NCBP3: variants seen among roughly 807,000 people sequenced by gnomAD.
NCBP3 encodes nuclear cap-binding protein subunit 3.
Under a neutral mutation model 75.7 loss-of-function variants are expected in NCBP3, and 20 were observed. That is an observed-to-expected ratio of 0.26 (90% CI 0.19 to 0.38). NCBP3 has a LOEUF of 0.38. Among genes scored for constraint, NCBP3 ranks in the 10% least tolerant of loss-of-function variants. The pLI, the probability that NCBP3 is intolerant of heterozygous loss-of-function variation, is 1.00. For synonymous variants in NCBP3, 293 were observed against 290.5 expected (o/e 1.01, Z -0.09); for missense variants, 678 against 796.9 (o/e 0.85, Z 1.80).
intron 3 of NCBP3, among the ~76,000 whole-genome samples, chr17:3,830,384 TCA>T (rs1206420651): frequency 1.3e-5 from 2 of 152,176 alleles, no homozygotes; most frequent in Non-Finnish European, 2.9e-5. Flanking sequence ...CTAAGATGTA[TCA>T]CAGAGTGAAA....
chr17:3,808,834 A>G lies in NCBP3; in HGVS notation c.*4210T>C, dbSNP rs1174966691. The G allele has an allele frequency of 6.6e-6, 1 of 152,132 alleles. No homozygotes were observed. The highest frequency in any genetic ancestry group is 1.5e-5 in the Non-Finnish European group (1 of 68,046). 9.4% of individuals were successfully genotyped at this position (152,132 alleles called of 1,614,324 possible). On this transcript the variant is annotated 3_prime_UTR_variant, in exon 13 of 13. Coordinates refer to ENST00000389005, the MANE Select transcript of NCBP3 (RefSeq NM_001114118.3). ...AGCCTTGAATTACTGGGCTCATGCG[A>G]TCAGGAGTGTGGAATTTATTCTCGG...
chr17:3,842,267 T>C (rs1418470709), intron 2 of NCBP3, among the ~76,000 whole-genome samples: 2 of 151,934 alleles, frequency 1.3e-5, no homozygotes, highest in African/African-American at 4.8e-5. Flanking sequence ...TCTACTAAAA[T>C]TACAAAAATT....
rs1281422424 is a variant in NCBP3, at chr17:3,808,418, G to A, written c.*4626C>T. The A allele has an allele frequency of 6.6e-6, 1 of 152,212 alleles. No homozygotes were observed. The highest frequency in any genetic ancestry group is 1.9e-4 in the East Asian group (1 of 5,200). The allele number at this position is 152,212 out of a possible 1,614,324, so 9.4% of individuals were successfully genotyped here. Reference sequence around the variant, plus strand: ...CTGGAGAGAGCTGAGACTCTTCTGTGGCAGTACCATGGGACACATAGAAGT... The same window carrying A: ...CTGGAGAGAGCTGAGACTCTTCTGTAGCAGTACCATGGGACACATAGAAGT... On this transcript the variant is annotated 3_prime_UTR_variant, in exon 13 of 13. Coordinates refer to ENST00000389005, the MANE Select transcript of NCBP3 (RefSeq NM_001114118.3).
At chr17:3,824,713 A>T in intron 7 of NCBP3, 1 of 280,312 alleles carries the variant, frequency 3.6e-6, no homozygotes, top group Non-Finnish European at 6.7e-6. Flanking sequence ...TTTCAACAGA[A>T]AATAACTTTA....
rs1409740834 is a variant in NCBP3 at position 3,818,903 on chromosome 17, T to C, written c.1001-331A>G. On this transcript the variant is annotated intron_variant, in intron 9 of 12. Transcript: ENST00000389005. The surrounding 1 kb of genome is among the most constrained non-coding windows in gnomAD (Gnocchi z 4.7). ...GTGCAATGCTTCCATGGTCATTTGC[T>C]GGCACGCACAGAGTGGCAAAAAAAT... 2.6e-5 allele frequency among the ~76,000 whole-genome samples: 4 copies of C among 152,226 alleles called. No individual in the cohort carries two copies. Among genetic ancestry groups the C allele is most frequent in the African/African-American group, 9.6e-5 (4 of 41,456 alleles).
chr17:3,843,281 T>C (rs2054099454), intron 1 of NCBP3, 130 bp from the exon 2 acceptor site: 3 of 714,294 alleles, frequency 4.2e-6, no homozygotes, highest in Non-Finnish European at 7.0e-6. Context: ...TGTCTTGCTC[T>C]GTTGCCCAGG....
intron 1 of NCBP3, among the ~76,000 whole-genome samples, chr17:3,844,578 C>T (rs560788413): frequency 6.6e-6 from 1 of 152,262 alleles, no homozygotes; most frequent in East Asian, 1.9e-4. Flanking sequence ...TGGCCGGACG[C>T]AATGGCTCAG....
intron 6 of NCBP3, among the ~76,000 whole-genome samples, 158 bp downstream of exon 6, chr17:3,825,609 T>A (rs12940049): frequency 0.42 from 64,149 of 152,034 alleles, 14,292 homozygotes; most frequent in East Asian, 0.61. Flanking sequence ...AATCGCTATA[T>A]CCACACTAAC....
intron 2 of NCBP3, 143 bp from the exon 3 acceptor site, chr17:3,840,348 C>T: frequency 1.5e-6 from 1 of 661,698 alleles, no homozygotes; most frequent in Non-Finnish European, 2.6e-6. Context: ...CTGGCAGAGA[C>T]CTGGATATTC....
At chr17:3,834,008 C>G (rs917754228) in intron 3 of NCBP3, among the ~76,000 whole-genome samples, 1 of 152,096 alleles carries the variant, frequency 6.6e-6, no homozygotes, top group African/African-American at 2.4e-5. Context: ...TTCCAAGAAC[C>G]GAGAAGGCCC....
chr17:3,825,863 A>G lies in NCBP3; in HGVS notation c.611-20T>C. 3 of 1,516,332 alleles carry G rather than the reference A, an allele frequency of 2.0e-6. No individual in the cohort carries two copies. Among genetic ancestry groups the G allele is most frequent in the Non-Finnish European group, 2.7e-6 (3 of 1,117,498 alleles). 93.9% of individuals were successfully genotyped at this position (1,516,332 alleles called of 1,614,324 possible). On this transcript the variant is annotated intron_variant, in intron 5 of 12. Transcript: ENST00000389005. ...GCTTGTCTAAAATGGAATGTGAAGG[A>G]CAAGATGAAACAAGATAAAATATTT...
intron 4 of NCBP3, among the ~76,000 whole-genome samples, chr17:3,828,954 T>C (rs1033484373): frequency 3.2e-4 from 48 of 151,998 alleles, no homozygotes; most frequent in South Asian, 1.0e-3. Context: ...AAAAGGTGAG[T>C]GTTAAAGAGG....
chr17:3,814,788 C>T (rs910650923), intron 11 of NCBP3, among the ~76,000 whole-genome samples: 15 of 151,314 alleles, frequency 9.9e-5, no homozygotes, highest in Non-Finnish European at 1.9e-4. Flanking sequence ...AAAGTTTCAG[C>T]GAACAAAAAA....
chr17:3,841,131 C>T (rs988629939), intron 2 of NCBP3, among the ~76,000 whole-genome samples: 2 of 152,146 alleles, frequency 1.3e-5, no homozygotes, highest in African/African-American at 4.8e-5. Flanking sequence ...TGCACACCAC[C>T]ACGCCCAGCT....
intron 7 of NCBP3, among the ~76,000 whole-genome samples, chr17:3,823,583 A>G (rs1456627466): frequency 6.6e-6 from 1 of 152,122 alleles, no homozygotes; most frequent in East Asian, 1.9e-4. Context: ...TTTTATTTTA[A>G]TCATTTTTTT....
chr17:3,823,106 G>A (rs962415407), intron 7 of NCBP3, among the ~76,000 whole-genome samples: 1 of 152,196 alleles, frequency 6.6e-6, no homozygotes, highest in African/African-American at 2.4e-5. Flanking sequence ...AAGGTCAAGA[G>A]ATCGAGACCA....
In NCBP3 at chr17:3,826,178, T is replaced by C. The variant is rs1314044728; in HGVS notation, c.519A>G (p.Arg173=). 1.9e-6 allele frequency: 3 copies of C among 1,551,076 alleles called. No homozygotes were observed. Among genetic ancestry groups the C allele is most frequent in the South Asian group, 1.2e-5 (1 of 84,066 alleles). ...GCAGGGAGCTCATATTGATAAGTGC[T>C]CGTGTGGCTGTCATTTCATCCAGCC... The part of the protein sequence containing the change: ...VVWLDEMTAT[R]ALINMSSLPA... Residue 173 remains arginine, a synonymous_variant, in exon 5 of 13, where the codon CGA becomes CGG. Coordinates refer to ENST00000389005, the MANE Select transcript of NCBP3 (RefSeq NM_001114118.3).
rs2054163533 is a variant in NCBP3 at position 3,846,236 on chromosome 17, G to C, written c.-13C>G. 7.1e-7 allele frequency: 1 copy of C among 1,417,956 alleles called. No individual in the cohort carries two copies. The highest frequency in any genetic ancestry group is 3.3e-5 in the Admixed American group (1 of 30,682). The allele number at this position is 1,417,956 out of a possible 1,614,324, so 87.8% of individuals were successfully genotyped here. The stretch of plus-strand genomic sequence containing the variant: ...GTACGGCCGCCATCGCTGCCTGCCG[G>C]CCGCACCACTGAGAGCCCGCCCCTC... On this transcript the variant is annotated 5_prime_UTR_variant, in exon 1 of 13. Coordinates refer to ENST00000389005, the MANE Select transcript of NCBP3 (RefSeq NM_001114118.3). The surrounding 1 kb of genome is among the most constrained non-coding windows in gnomAD (Gnocchi z 4.6).
chr17:3,805,792 C>T lies in NCBP3; in HGVS notation c.*7252G>A, dbSNP rs1597386941. 1 of 152,302 alleles carries T rather than the reference C, an allele frequency of 6.6e-6. No individual in the cohort carries two copies. The highest frequency in any genetic ancestry group is 1.5e-5 in the Non-Finnish European group (1 of 68,106). The allele number at this position is 152,302 out of a possible 1,614,324, so 9.4% of individuals were successfully genotyped here. ...AAGGATCCTTGAACACGCGTTAGCA[C>T]TAGAAGGAAACTGGAGCTCACCCCA... On this transcript the variant is annotated 3_prime_UTR_variant, in exon 13 of 13. Transcript: ENST00000389005.
Sources: gnomAD v4.1 joint callset for allele counts (sites outside exome capture counted in the v4.1 genomes callset) on GRCh38, gnomAD v4.1.1 for gene constraint, Gnocchi (gnomAD v3.1) non-coding constraint, MANE v1.5 for transcripts, NCBI Gene and HGNC (gene_info 2026-07-23, HGNC 2026-07-21) for gene names.